UNC5C: variants seen among roughly 807,000 people sequenced by gnomAD.
UNC5C encodes netrin receptor UNC5C.
In UNC5C, 47 loss-of-function variants were observed where a neutral mutation model predicts 99.8. The observed-to-expected ratio is 0.47, with a 90% CI of 0.37 to 0.60. The LOEUF (loss-of-function observed/expected upper bound fraction) is 0.60, where lower values mean the gene tolerates loss of function less well. Among genes scored for constraint, UNC5C ranks in the 20% least tolerant of loss-of-function variants. The pLI, the probability that UNC5C is intolerant of heterozygous loss-of-function variation, is 0.00. For synonymous variants in UNC5C, 487 were observed against 452.2 expected (o/e 1.08, Z -0.98); for missense variants, 1,062 against 1,165.9 (o/e 0.91, Z 1.30).
intron 1 of UNC5C, among the ~76,000 whole-genome samples, chr4:95,424,737 A>G (rs888461800): frequency 2.0e-5 from 3 of 151,628 alleles, no homozygotes. Context: ...GTTAGCCAGG[A>G]TGGTCTGGAT....
At chr4:95,296,931 G>T (rs116747063) in intron 3 of UNC5C, among the ~76,000 whole-genome samples, 1 of 152,224 alleles carries the variant, frequency 6.6e-6, no homozygotes, top group Non-Finnish European at 1.5e-5. Flanking sequence ...TTTCAGGCCT[G>T]GTCCCACCTG....
At chr4:95,437,817 A>G (rs2149462422) in intron 1 of UNC5C, among the ~76,000 whole-genome samples, 1 of 152,194 alleles carries the variant, frequency 6.6e-6, no homozygotes, top group East Asian at 1.9e-4. Context: ...CCCTACTAAG[A>G]AAACTTTGCT....
At chr4:95,474,806 A>T (rs1450342359) in intron 1 of UNC5C, among the ~76,000 whole-genome samples, 1 of 152,136 alleles carries the variant, frequency 6.6e-6, no homozygotes, top group Admixed American at 6.6e-5. Context: ...AGATCAAGAA[A>T]GAGATTTTAC....
At chr4:95,195,697 TGTGGCCCAAGAAC>T (rs1737350713) in intron 12 of UNC5C, among the ~76,000 whole-genome samples, 1 of 152,186 alleles carries the variant, frequency 6.6e-6, no homozygotes, top group African/African-American at 2.4e-5. Context: ...TGTCCATGAC[TGTGGCCCAAGAAC>T]GTGAGCATCA....
chr4:95,420,614 T>C (rs1331590567), intron 1 of UNC5C, among the ~76,000 whole-genome samples: 2 of 152,280 alleles, frequency 1.3e-5, no homozygotes, highest in Non-Finnish European at 2.9e-5. Context: ...AATTGCCTTT[T>C]AGATTTTACA....
intron 1 of UNC5C, among the ~76,000 whole-genome samples, chr4:95,467,443 G>C (rs1245686790): frequency 1.3e-5 from 2 of 152,104 alleles, no homozygotes; most frequent in Non-Finnish European, 2.9e-5. Flanking sequence ...GGGAGAAGCA[G>C]GCACAACCCT....
intron 2 of UNC5C, among the ~76,000 whole-genome samples, chr4:95,327,684 G>A (rs1397378631): frequency 2.0e-5 from 3 of 152,038 alleles, no homozygotes; most frequent in African/African-American, 7.2e-5. Flanking sequence ...CCAGTGATAT[G>A]GGGCAGTATA....
At chr4:95,417,376 G>A (rs1746197891) in intron 1 of UNC5C, among the ~76,000 whole-genome samples, 1 of 152,056 alleles carries the variant, frequency 6.6e-6, no homozygotes, top group Non-Finnish European at 1.5e-5. Context: ...GACCTATATT[G>A]TTATTATCAT....
chr4:95,534,615 A>AT (rs1355389497), intron 1 of UNC5C, among the ~76,000 whole-genome samples: 2 of 152,116 alleles, frequency 1.3e-5, no homozygotes, highest in African/African-American at 2.4e-5. Flanking sequence ...ATCTTTGGAT[A>AT]TTTTTTCCAT....
At chr4:95,188,975 G>T (rs1736956150) in intron 12 of UNC5C, among the ~76,000 whole-genome samples, 1 of 152,098 alleles carries the variant, frequency 6.6e-6, no homozygotes, top group African/African-American at 2.4e-5. Flanking sequence ...GAATCACAAA[G>T]GTTAGGATAT....
In UNC5C at chr4:95,163,822, AAGATCTCTGGAC is replaced by A. The variant is rs1735763591; in HGVS notation, c.*5400_*5411del. The stretch of plus-strand genomic sequence containing the variant: ...AGAGATTCCCAACCTGGGATTCCAG[AAGATCTCTGGAC>A]AGGTCCCTTCAGTAGGCAAGCGTCT... On this transcript the variant is annotated 3_prime_UTR_variant, in exon 16 of 16. Transcript: ENST00000453304. 2 of 152,164 alleles carry A rather than the reference AAGATCTCTGGAC, an allele frequency of 1.3e-5. No homozygotes were observed. Among genetic ancestry groups the A allele is most frequent in the Non-Finnish European group, 2.9e-5 (2 of 68,034 alleles). The allele number at this position is 152,164 out of a possible 1,614,324, so 9.4% of individuals were successfully genotyped here.
chr4:95,471,984 A>G (rs1227267404), intron 1 of UNC5C, among the ~76,000 whole-genome samples: 1 of 152,142 alleles, frequency 6.6e-6, no homozygotes, highest in Non-Finnish European at 1.5e-5. Context: ...TCACATTAAG[A>G]GGATGTTTTC....
intron 1 of UNC5C, among the ~76,000 whole-genome samples, chr4:95,351,040 C>A (rs1743969575): frequency 6.6e-6 from 1 of 152,128 alleles, no homozygotes; most frequent in Non-Finnish European, 1.5e-5. Context: ...AGAGCCTGGC[C>A]AGGCAGACAC....
Position 95,536,086 on chromosome 4 carries a change from T to A in UNC5C, c.124+12648A>T, listed in dbSNP as rs1476015332. ...CATATATATATATATATATATATTT[T>A]TTTTTTTTGAGATGGAGTCTCGCTC... On this transcript the variant is annotated intron_variant, in intron 1 of 15. Coordinates refer to ENST00000453304, the MANE Select transcript of UNC5C (RefSeq NM_003728.4). Among the ~76,000 whole-genome samples, 445 of 147,410 alleles carry A rather than the reference T, an allele frequency of 3.0e-3. 2 individuals carry two copies. The highest frequency in any genetic ancestry group is 2.9e-3 in the Non-Finnish European group (196 of 66,942).
intron 12 of UNC5C, among the ~76,000 whole-genome samples, chr4:95,192,441 C>T (rs1287963418): frequency 4.1e-5 from 5 of 123,298 alleles, no homozygotes; most frequent in African/African-American, 6.3e-5. Flanking sequence ...TTCACCTCCT[C>T]CCCTTCTCAT....
intron 2 of UNC5C, among the ~76,000 whole-genome samples, chr4:95,311,078 TG>T (rs1337250943): frequency 6.6e-6 from 1 of 152,128 alleles, no homozygotes; most frequent in Non-Finnish European, 1.5e-5. Context: ...ACTTGAATGG[TG>T]GGTGTGCAAA....
intron 1 of UNC5C, among the ~76,000 whole-genome samples, chr4:95,524,314 C>A (rs1722441513): frequency 6.6e-6 from 1 of 152,116 alleles, no homozygotes; most frequent in South Asian, 2.1e-4. Flanking sequence ...CAACACTTCT[C>A]TGGGTTATTG....
At chr4:95,201,737 G>A (rs1680306068) in intron 12 of UNC5C, among the ~76,000 whole-genome samples, 1 of 151,916 alleles carries the variant, frequency 6.6e-6, no homozygotes, top group Non-Finnish European at 1.5e-5. Context: ...CTGAGTAGCT[G>A]GGACTACAGA....
intron 1 of UNC5C, among the ~76,000 whole-genome samples, chr4:95,502,386 G>A (rs566496134): frequency 2.0e-5 from 3 of 151,782 alleles, no homozygotes; most frequent in South Asian, 4.2e-4. Flanking sequence ...CTCCCCTTTC[G>A]GCCTCCCAAG....
Sources: allele counts gnomAD v4.1 joint callset (sites outside exome capture counted in the v4.1 genomes callset), GRCh38; gene constraint gnomAD v4.1.1; transcripts MANE v1.5; gene names NCBI Gene and HGNC (gene_info 2026-07-23, HGNC 2026-07-21).